Variants in SAMD5 observed in about 807,000 individuals in gnomAD.
SAMD5 encodes the protein sterile alpha motif domain-containing protein 5.
SAMD5 carries 13 observed loss-of-function variants against 11.3 expected under a neutral mutation model. That is an observed-to-expected ratio of 1.15 (90% confidence interval 0.75 to 1.83). The LOEUF (loss-of-function observed/expected upper bound fraction) is 1.83. SAMD5 is among the 40% of genes most tolerant of loss of function. The probability of loss-of-function intolerance (pLI) is 0.00; values close to 1 mark genes in which losing one functional copy is unlikely to be tolerated. For missense variants in SAMD5, 255 were observed against 239.1 expected (o/e 1.07, Z -0.44); for synonymous variants, 129 against 111.3 (o/e 1.16, Z -1.00).
intron 1 of SAMD5, among the ~76,000 whole-genome samples, chr6:147,531,796 T>G (rs562347253): frequency 5.8e-4 from 89 of 152,212 alleles, no homozygotes; most frequent in Non-Finnish European, 1.2e-3. Context: ...GCCTTATATT[T>G]TCGGTCTAGA....
the SAMD5 span, among the ~76,000 whole-genome samples, chr6:147,879,599 G>A: frequency 6.6e-6 from 1 of 152,266 alleles, no homozygotes; most frequent in Admixed American, 6.5e-5. Flanking sequence ...TAGTTTTGAT[G>A]GGATGTTCAT....
chr6:147,551,543 A>G (rs909216141), intron 1 of SAMD5, among the ~76,000 whole-genome samples: 1 of 152,036 alleles, frequency 6.6e-6, no homozygotes, highest in Admixed American at 6.5e-5. Flanking sequence ...TCTGAATGTT[A>G]AGGTGGCAGA....
chr6:147,622,225 G>A (rs982615122), intron 1 of SAMD5, among the ~76,000 whole-genome samples: 5 of 151,972 alleles, frequency 3.3e-5, no homozygotes, highest in South Asian at 2.1e-4. Context: ...ATATACAATG[G>A]CATCGTATTT....
chr6:147,787,772 T>A, the SAMD5 span, among the ~76,000 whole-genome samples: 1 of 152,214 alleles, frequency 6.6e-6, no homozygotes, highest in Non-Finnish European at 1.5e-5. Flanking sequence ...CGAAAAAAGA[T>A]TTGGAAAAGA....
At chr6:147,662,035 TTA>T (rs773641601) in intron 1 of SAMD5, among the ~76,000 whole-genome samples, 2 of 152,184 alleles carry the variant, frequency 1.3e-5, no homozygotes, top group Non-Finnish European at 2.9e-5. Context: ...CGTCCTCTCC[TTA>T]TGTTTCACAT....
chr6:147,631,025 A>G (rs1790142042), intron 1 of SAMD5, among the ~76,000 whole-genome samples: 1 of 152,106 alleles, frequency 6.6e-6, no homozygotes. Flanking sequence ...GGCAAGCACC[A>G]CTTTGTGGGG....
rs1385726396 is a variant in SAMD5, at chr6:147,568,896, A to G, written c.*4440A>G. The G allele has an allele frequency of 2.0e-6, 2 of 980,178 alleles. No homozygotes were observed. The highest frequency in any genetic ancestry group is 6.1e-5 in the Admixed American group (1 of 16,268). The allele number at this position is 980,178 out of a possible 1,614,324, so 60.7% of individuals were successfully genotyped here. ...AATCCCTACTATTTTAGATATTTCC[A>G]TAAAAGGCTTAAAGGGAAAAAAAAA... On this transcript the variant is annotated 3_prime_UTR_variant, in exon 2 of 2. Transcript: ENST00000367474.
Position 147,509,182 on chromosome 6 carries a change from C to G in SAMD5, c.254C>G (p.Pro85Arg). The change falls in exon 1 of 2, where the codon CCG becomes CGG. Residue 85 changes from proline to arginine, a missense_variant. By Grantham distance (103) the Pro-to-Arg change is moderately radical. Coordinates refer to ENST00000367474, the MANE Select transcript of SAMD5 (RefSeq NM_001030060.3). ...TLEPQPAPPG[P>R]PADAVPTGRR... ...GAGCCGCAGCCGGCGCCCCCCGGGC[C>G]GCCCGCCGACGCCGTCCCCACCGGC... The G allele has an allele frequency of 5.4e-6, 7 of 1,285,732 alleles. No individual in the cohort carries two copies. Among genetic ancestry groups the G allele is most frequent in the Non-Finnish European group, 6.9e-6 (7 of 1,019,120 alleles). The allele number at this position is 1,285,732 out of a possible 1,614,324, so 79.6% of individuals were successfully genotyped here.
chr6:147,805,994 C>T, the SAMD5 span, among the ~76,000 whole-genome samples: 1 of 152,102 alleles, frequency 6.6e-6, no homozygotes, highest in Non-Finnish European at 1.5e-5. Context: ...TGCATCCAGA[C>T]AGTCTCAGAG....
the SAMD5 span, among the ~76,000 whole-genome samples, chr6:147,895,189 T>C: frequency 6.6e-6 from 1 of 152,210 alleles, no homozygotes; most frequent in Non-Finnish European, 1.5e-5. Flanking sequence ...TGAAATGCTA[T>C]CTTTAATGTA....
intron 1 of SAMD5, among the ~76,000 whole-genome samples, chr6:147,642,689 T>C (rs1352759445): frequency 2.0e-5 from 3 of 152,168 alleles, no homozygotes; most frequent in Non-Finnish European, 4.4e-5. Context: ...TAGGAAAGCA[T>C]ATAAACTGAC....
At chr6:147,878,516 T>G in the SAMD5 span, among the ~76,000 whole-genome samples, 1 of 150,668 alleles carries the variant, frequency 6.6e-6, no homozygotes, top group Non-Finnish European at 1.5e-5. Context: ...TAGTTTATTA[T>G]TAGTAGTCAC....
At chr6:147,690,220 A>G (rs1791081199) in intron 1 of SAMD5, among the ~76,000 whole-genome samples, 1 of 152,374 alleles carries the variant, frequency 6.6e-6, no homozygotes, top group East Asian at 1.9e-4. Flanking sequence ...ACAAACCAGT[A>G]ACTATATTAT....
intron 1 of SAMD5, among the ~76,000 whole-genome samples, chr6:147,516,144 G>A (rs1370270190): frequency 1.3e-5 from 2 of 152,128 alleles, no homozygotes; most frequent in South Asian, 2.1e-4. Flanking sequence ...GGTATTAAGA[G>A]GTATTGTAGG....
chr6:147,939,985 C>T, the SAMD5 span, among the ~76,000 whole-genome samples: 6 of 152,038 alleles, frequency 3.9e-5, no homozygotes, highest in South Asian at 4.1e-4. Context: ...GAAGTACTAT[C>T]GGAGCTGTAT....
chr6:147,606,627 T>A (rs886687175), intron 1 of SAMD5, among the ~76,000 whole-genome samples: 1 of 151,876 alleles, frequency 6.6e-6, no homozygotes, highest in African/African-American at 2.4e-5. Flanking sequence ...GATAGAGGAA[T>A]CACAGTAACA....
the SAMD5 span, among the ~76,000 whole-genome samples, chr6:147,829,770 A>G: frequency 2.0e-5 from 3 of 152,068 alleles, no homozygotes; most frequent in Non-Finnish European, 4.4e-5. Context: ...TAATACTCAG[A>G]GCTGCAAAAC....
At chr6:147,796,465 T>C in the SAMD5 span, among the ~76,000 whole-genome samples, 8 of 152,224 alleles carry the variant, frequency 5.3e-5, no homozygotes, top group Non-Finnish European at 7.3e-5. Flanking sequence ...TTTTGGTTAC[T>C]GTAGCCTTGT....
At chr6:147,616,663 C>T (rs543785644) in intron 1 of SAMD5, among the ~76,000 whole-genome samples, 12 of 152,158 alleles carry the variant, frequency 7.9e-5, no homozygotes, top group South Asian at 4.1e-4. Context: ...AAGAAATACC[C>T]GAGACTGAGT....
Sources: gnomAD v4.1 joint callset for allele counts (sites outside exome capture counted in the v4.1 genomes callset) on GRCh38, gnomAD v4.1.1 for gene constraint, MANE v1.5 for transcripts, NCBI Gene and HGNC (gene_info 2026-07-23, HGNC 2026-07-21) for gene names.